The following CRIM1 variants were observed in gnomAD, a reference collection of about 807,000 sequenced individuals.
CRIM1 encodes cysteine-rich motor neuron 1 protein.
In CRIM1, 32 loss-of-function variants were observed where a neutral mutation model predicts 116.4. The observed-to-expected ratio is 0.27, with a 90% CI of 0.21 to 0.37. The LOEUF (loss-of-function observed/expected upper bound fraction) is 0.37, where lower values mean the gene tolerates loss of function less well. Ranked by LOEUF, CRIM1 falls within the 10% of genes least tolerant of loss-of-function variation. The pLI, the probability that CRIM1 is intolerant of heterozygous loss-of-function variation, is 1.00. For missense variants in CRIM1, 1,331 were observed against 1,354.8 expected (o/e 0.98, Z 0.28); for synonymous variants, 590 against 509.2 (o/e 1.16, Z -2.13).
chr2:36,441,720 G>T (rs887992678), intron 3 of CRIM1, among the ~76,000 whole-genome samples: 2 of 152,170 alleles, frequency 1.3e-5, no homozygotes, highest in African/African-American at 4.8e-5. Flanking sequence ...CGGAGAGCGA[G>T]CGTGTCTTTT....
At chr2:36,533,413 A>AC (rs2125155620) in intron 13 of CRIM1, among the ~76,000 whole-genome samples, 1 of 118,376 alleles carries the variant, frequency 8.4e-6, no homozygotes, top group African/African-American at 3.5e-5. Flanking sequence ...ACACAATGAG[A>AC]CCCCATCTCC....
rs146095556 is a variant in CRIM1 at position 36,488,611 on chromosome 2, T to A, written c.1372+8917T>A. Among the ~76,000 whole-genome samples, 3 of 152,336 alleles carry A rather than the reference T, an allele frequency of 2.0e-5. No homozygotes were observed. The East Asian group carries it at 5.8e-4, about 29-fold the overall frequency. On this transcript the variant is annotated intron_variant, in intron 7 of 16. Transcript: ENST00000280527. ...TTTTGAGTTTAAGTTGATCAGCAGT[T>A]TGACCAAATTTTTATTTACCATTTA...
intron 13 of CRIM1, among the ~76,000 whole-genome samples, chr2:36,534,107 G>A (rs115073296): frequency 0.011 from 1,600 of 142,568 alleles, 42 homozygotes; most frequent in African/African-American, 0.04. Flanking sequence ...AGGAAGGAGG[G>A]AGGGAAGGAG....
intron 16 of CRIM1, 80 bp downstream of exon 16, chr2:36,547,251 G>GTGTC (rs1483411239): frequency 1.7e-6 from 2 of 1,201,126 alleles, no homozygotes; most frequent in Non-Finnish European, 2.4e-6. Flanking sequence ...TTGAAACCTT[G>GTGTC]TGTCTTAACC....
At chr2:36,357,121 GA>G (rs1668889216) in intron 1 of CRIM1, among the ~76,000 whole-genome samples, 2 of 152,334 alleles carry the variant, frequency 1.3e-5, no homozygotes, top group African/African-American at 4.8e-5. Flanking sequence ...CTCCCCGAGT[GA>G]CTCTTATTAT....
At chr2:36,381,982 T>C (rs375389950) in intron 1 of CRIM1, among the ~76,000 whole-genome samples, 3 of 152,234 alleles carry the variant, frequency 2.0e-5, no homozygotes, top group African/African-American at 7.2e-5. Flanking sequence ...TGGACCCACC[T>C]GGACCACACT....
At chr2:36,383,556 A>G (rs1240763417) in intron 1 of CRIM1, among the ~76,000 whole-genome samples, 2 of 152,132 alleles carry the variant, frequency 1.3e-5, no homozygotes, top group Non-Finnish European at 2.9e-5. Context: ...TTACTCATTT[A>G]TTTACTTCAG....
chr2:36,407,050 CAT>C (rs141685344), intron 2 of CRIM1, among the ~76,000 whole-genome samples: 18 of 152,268 alleles, frequency 1.2e-4, no homozygotes, highest in African/African-American at 4.3e-4. Flanking sequence ...TCAGGGATCT[CAT>C]TATCATCAAG....
At position 36,496,827 on chromosome 2, in the gene CRIM1, A is replaced by T. The variant is rs143695068; in HGVS notation, c.1373-2392A>T. Among the ~76,000 whole-genome samples, 742 of 152,320 alleles carry T rather than the reference A, an allele frequency of 4.9e-3. 4 individuals carry two copies. The highest frequency in any genetic ancestry group is 0.017 in the African/African-American group (714 of 41,564). ...AGCATTGTGGTTCTGATCCTCAAAT[A>T]ACCCAGTCCATTTGTTCCTTTCACT... is the stretch of plus-strand genomic sequence containing the variant. On this transcript the variant is annotated intron_variant, in intron 7 of 16. Transcript: ENST00000280527.
At chr2:36,489,074 T>G (rs1680043900) in intron 7 of CRIM1, among the ~76,000 whole-genome samples, 1 of 152,216 alleles carries the variant, frequency 6.6e-6, no homozygotes, top group Admixed American at 6.5e-5. Flanking sequence ...AAAGTATTCA[T>G]TCATGATATA....
chr2:36,531,716 C>T, intron 13 of CRIM1: 2 of 322,564 alleles, frequency 6.2e-6, no homozygotes, highest in South Asian at 5.0e-5. Flanking sequence ...CAAGGCCTTG[C>T]CGCTTCTTCC....
intron 1 of CRIM1, among the ~76,000 whole-genome samples, chr2:36,370,332 A>G (rs1039230019): frequency 1.3e-5 from 2 of 152,184 alleles, no homozygotes; most frequent in African/African-American, 4.8e-5. Flanking sequence ...TAGGTAAATA[A>G]GTAAAATGAA....
At chr2:36,476,324 G>C (rs1678972678) in intron 5 of CRIM1, among the ~76,000 whole-genome samples, 2 of 152,036 alleles carry the variant, frequency 1.3e-5, no homozygotes, top group Admixed American at 1.3e-4. Flanking sequence ...ACCTATGTCA[G>C]ACCTTCATTA....
intron 13 of CRIM1, among the ~76,000 whole-genome samples, chr2:36,536,533 C>T (rs1292190030): frequency 6.6e-6 from 1 of 152,110 alleles, no homozygotes; most frequent in Non-Finnish European, 1.5e-5. Context: ...ATCTGCTGGT[C>T]CTTGGGGCCT....
At chr2:36,403,719 G>A (rs1010462344) in intron 2 of CRIM1, among the ~76,000 whole-genome samples, 2 of 152,146 alleles carry the variant, frequency 1.3e-5, no homozygotes, top group Non-Finnish European at 2.9e-5. Flanking sequence ...GAGGTGGTCA[G>A]GATAGATTTT....
intron 2 of CRIM1, among the ~76,000 whole-genome samples, chr2:36,412,005 G>A (rs1394027342): frequency 6.6e-6 from 1 of 152,086 alleles, no homozygotes; most frequent in Non-Finnish European, 1.5e-5. Flanking sequence ...CCGCACACTA[G>A]TGAAGCTGAC....
chr2:36,487,679 A>G (rs923140080), intron 7 of CRIM1, among the ~76,000 whole-genome samples: 1 of 152,174 alleles, frequency 6.6e-6, no homozygotes, highest in African/African-American at 2.4e-5. Flanking sequence ...GAAAGCAACT[A>G]TGAAGAGGTT....
intron 11 of CRIM1, among the ~76,000 whole-genome samples, chr2:36,514,404 C>G (rs1664901441): frequency 6.6e-6 from 1 of 152,174 alleles, no homozygotes; most frequent in South Asian, 2.1e-4. Context: ...TAAACTTCAT[C>G]TAGTACGTTT....
At chr2:36,382,126 A>C (rs182076822) in intron 1 of CRIM1, among the ~76,000 whole-genome samples, 48 of 152,260 alleles carry the variant, frequency 3.2e-4, no homozygotes, top group Non-Finnish European at 6.0e-4. Context: ...TCCTAATTAA[A>C]GCCTTTGGCA....
Sources: allele counts gnomAD v4.1 joint callset (sites outside exome capture counted in the v4.1 genomes callset), GRCh38; gene constraint gnomAD v4.1.1; transcripts MANE v1.5; gene names NCBI Gene and HGNC (gene_info 2026-07-23, HGNC 2026-07-21).